USP49: variants seen among roughly 807,000 people sequenced by gnomAD.
USP49 encodes the protein ubiquitin specific peptidase 49, also known as ubiquitin carboxyl-terminal hydrolase 49.
Under a neutral mutation model 58.6 loss-of-function variants are expected in USP49, and 24 were observed. The ratio of observed to expected loss-of-function variants is 0.41; its 90% confidence interval spans 0.30 to 0.58. USP49 has a LOEUF of 0.58. USP49 is among the 20% of genes least tolerant of loss of function. The pLI is 0.30. For synonymous variants in USP49, 408 were observed against 365.1 expected (o/e 1.12, Z -1.34); for missense variants, 703 against 866.1 (o/e 0.81, Z 2.36).
In USP49 at chr6:41,793,504, C is replaced by T. The variant is rs1390057170; in HGVS notation, c.*3029G>A. 6.5e-6 allele frequency: 1 copy of T among 152,780 alleles called. No individual in the cohort carries two copies. The highest frequency in any genetic ancestry group is 1.5e-5 in the Non-Finnish European group (1 of 68,580). The allele number at this position is 152,780 out of a possible 1,614,324, so 9.5% of individuals were successfully genotyped here. A position where few individuals can be genotyped will look rare whatever the true frequency, so the allele number is the denominator to read the frequency against. On this transcript the variant is annotated 3_prime_UTR_variant, in exon 8 of 8. Coordinates refer to ENST00000682992, the MANE Select transcript of USP49 (RefSeq NM_001286554.2). Reference sequence around the variant, plus strand: ...TCAATCTCTTGACCTTGTGATCCGCCCTCCTCGGCCTCCCAAAGTGCTGGG... The same window carrying T: ...TCAATCTCTTGACCTTGTGATCCGCTCTCCTCGGCCTCCCAAAGTGCTGGG...
intron 3 of USP49, among the ~76,000 whole-genome samples, chr6:41,840,655 A>C (rs1266958646): frequency 6.6e-6 from 1 of 152,154 alleles, no homozygotes; most frequent in Non-Finnish European, 1.5e-5. Flanking sequence ...TGCTTTTTTA[A>C]AGACCTGTAT....
intron 2 of USP49, among the ~76,000 whole-genome samples, chr6:41,872,673 C>T (rs577312183): frequency 1.5e-4 from 22 of 150,566 alleles, no homozygotes; most frequent in Admixed American, 2.7e-4. Flanking sequence ...CCGAGACGGG[C>T]GGATCATGAG....
rs529940165 is a variant in USP49 at position 41,795,634 on chromosome 6, A to T, written c.*899T>A. On this transcript the variant is annotated 3_prime_UTR_variant, in exon 8 of 8. Transcript: ENST00000682992. ...AGTGAGAACGGGTGACAGGCCTTCA[A>T]TAAGCCCTGGAGCATCAGCTATCTC... The T allele has an allele frequency of 6.6e-6, 1 of 152,248 alleles. No individual in the cohort carries two copies. The highest frequency in any genetic ancestry group is 2.4e-5 in the African/African-American group (1 of 41,466). The allele number at this position is 152,248 out of a possible 1,614,324, so 9.4% of individuals were successfully genotyped here. A position where few individuals can be genotyped will look rare whatever the true frequency, so the allele number is the denominator to read the frequency against.
Position 41,880,192 on chromosome 6 carries a change from T to C in USP49, c.-102-8555A>G, listed in dbSNP as rs1774579254. 2.0e-5 allele frequency among the ~76,000 whole-genome samples: 3 copies of C among 150,544 alleles called. No homozygotes were observed. In the South Asian group the frequency reaches 6.4e-4, roughly 32 times the overall value. ...TATGACAGCATAAATATAAAACTAA[T>C]TAGAAAGGTCTTAAGATGAAGTTCA... On this transcript the variant is annotated intron_variant, in intron 2 of 7. Coordinates refer to ENST00000682992, the MANE Select transcript of USP49 (RefSeq NM_001286554.2).
intron 3 of USP49, among the ~76,000 whole-genome samples, chr6:41,836,687 G>A (rs762362582): frequency 5.9e-5 from 9 of 152,028 alleles, no homozygotes; most frequent in Admixed American, 1.3e-4. Context: ...TTTATACCTA[G>A]AAAACCCCAT....
intron 3 of USP49, among the ~76,000 whole-genome samples, chr6:41,816,407 A>G (rs1267785730): frequency 1.3e-5 from 2 of 152,094 alleles, no homozygotes; most frequent in East Asian, 3.9e-4. Flanking sequence ...CTGCACAAAC[A>G]TTCTCTTGAA....
At chr6:41,878,666 A>C (rs1274697452) in intron 2 of USP49, among the ~76,000 whole-genome samples, 1 of 152,220 alleles carries the variant, frequency 6.6e-6, no homozygotes, top group African/African-American at 2.4e-5. Context: ...TAATTCTGTC[A>C]TTATCAAGCA....
intron 3 of USP49, among the ~76,000 whole-genome samples, chr6:41,822,512 A>G (rs1449052290): frequency 5.9e-5 from 9 of 152,118 alleles, no homozygotes; most frequent in African/African-American, 2.4e-5. Context: ...ATACCAAAGC[A>G]TATCTGTCAG....
chr6:41,877,589 G>A (rs896498762), intron 2 of USP49, among the ~76,000 whole-genome samples: 1 of 143,480 alleles, frequency 7.0e-6, no homozygotes, highest in East Asian at 2.0e-4. Flanking sequence ...TTTTGAGACA[G>A]TCTCGCTCTG....
intron 3 of USP49, among the ~76,000 whole-genome samples, chr6:41,821,932 C>T (rs112175040): frequency 5.9e-5 from 9 of 152,074 alleles, no homozygotes; most frequent in Admixed American, 2.6e-4. Flanking sequence ...GTCTACATGA[C>T]GCTGGTTTTA....
At chr6:41,817,150 C>CTTTTTTTTTTTTTTTTTTCTT (rs34281670) in intron 3 of USP49, among the ~76,000 whole-genome samples, 1 of 104,378 alleles carries the variant, frequency 9.6e-6, no homozygotes, top group Non-Finnish European at 1.8e-5. Flanking sequence ...CCCACGCATG[C>CTTTTTTTTTTTTTTTTTTCTT]TTTTTTTTTT....
chr6:41,824,621 G>A (rs1490277820), intron 3 of USP49, among the ~76,000 whole-genome samples: 3 of 152,092 alleles, frequency 2.0e-5, no homozygotes, highest in South Asian at 2.1e-4. Flanking sequence ...AAGGAGAATC[G>A]CTTGAACCTG....
At chr6:41,809,620 A>G (rs188605559) in intron 3 of USP49, among the ~76,000 whole-genome samples, 1,966 of 151,398 alleles carry the variant, frequency 0.013, 26 homozygotes, top group South Asian at 0.063. Flanking sequence ...AGGTCAGGAG[A>G]TCGAGACCAT....
intron 3 of USP49, among the ~76,000 whole-genome samples, chr6:41,836,656 A>G (rs1397425438): frequency 6.6e-6 from 1 of 152,196 alleles, no homozygotes; most frequent in East Asian, 1.9e-4. Flanking sequence ...CGATAAATAA[A>G]AATACAAAAT....
intron 3 of USP49, among the ~76,000 whole-genome samples, chr6:41,848,854 TAA>T (rs80133968): frequency 7.5e-5 from 10 of 132,670 alleles, no homozygotes; most frequent in Non-Finnish European, 6.5e-5. Context: ...AGACACCGTC[TAA>T]AAAAAAAAAA....
chr6:41,846,272 G>A (rs568667957), intron 3 of USP49, among the ~76,000 whole-genome samples: 47 of 152,040 alleles, frequency 3.1e-4, no homozygotes, highest in Non-Finnish European at 4.0e-4. Flanking sequence ...AGCCAAGATC[G>A]CGCCACTGCA....
chr6:41,874,394 C>T (rs1267372202), intron 2 of USP49, among the ~76,000 whole-genome samples: 4 of 152,110 alleles, frequency 2.6e-5, no homozygotes, highest in African/African-American at 7.2e-5. Flanking sequence ...TTCTTGAAAC[C>T]TTACCCAATT....
At chr6:41,886,561 A>G (rs1005450142) in intron 2 of USP49, 3 of 152,230 alleles carry the variant, frequency 2.0e-5, no homozygotes, top group African/African-American at 4.8e-5. Flanking sequence ...AAAAATAAGT[A>G]CCATAAATTA....
intron 3 of USP49, among the ~76,000 whole-genome samples, chr6:41,810,514 A>G (rs1337284939): frequency 2.0e-5 from 3 of 148,792 alleles, no homozygotes; most frequent in Non-Finnish European, 4.4e-5. Flanking sequence ...TAAATAAAAA[A>G]TAAATAAATA....
Sources: allele counts gnomAD v4.1 joint callset (sites outside exome capture counted in the v4.1 genomes callset), GRCh38; gene constraint gnomAD v4.1.1; transcripts MANE v1.5; gene names NCBI Gene and HGNC (gene_info 2026-07-23, HGNC 2026-07-21).